The following DMD variants were observed in gnomAD, a reference collection of about 807,000 sequenced individuals.
DMD encodes dystrophin.
Under a neutral mutation model 330.1 loss-of-function variants are expected in DMD, and 63 were observed. The ratio of observed to expected loss-of-function variants is 0.19; its 90% CI spans 0.16 to 0.24. The LOEUF (loss-of-function observed/expected upper bound fraction) is 0.24. DMD is among the 10% of genes least tolerant of loss of function. The pLI is 1.00. For missense variants in DMD, 3,344 were observed against 2,684.1 expected (o/e 1.25, Z -5.43); for synonymous variants, 1,223 against 959.8 (o/e 1.27, Z -5.07).
intron 2 of DMD, among the ~76,000 whole-genome samples, chrX:32,889,552 G>T (rs1416992350): frequency 9.0e-6 from 1 of 110,697 alleles, no homozygotes; most frequent in African/African-American, 3.3e-5. Context: ...ATCCACAAAA[G>T]AGTGAAAATA....
intron 7 of DMD, among the ~76,000 whole-genome samples, chrX:32,727,358 A>T (rs1271489286): frequency 1.8e-5 from 2 of 111,286 alleles, no homozygotes; most frequent in Non-Finnish European, 3.8e-5. Context: ...TGAGACTTGT[A>T]TAAAAATGGT....
chrX:31,365,833 CAG>C (rs1179782057), intron 60 of DMD, among the ~76,000 whole-genome samples: 1 of 112,605 alleles, frequency 8.9e-6, no homozygotes, highest in African/African-American at 3.2e-5. Context: ...ATGTTGGAGA[CAG>C]AGTGACACAC....
chrX:31,661,606 T>C (rs2081128980), intron 53 of DMD, among the ~76,000 whole-genome samples: 1 of 111,804 alleles, frequency 8.9e-6, no homozygotes. Flanking sequence ...CTGAATTCCA[T>C]TGACAATGGT....
intron 19 of DMD, among the ~76,000 whole-genome samples, chrX:32,494,052 A>C (rs139378213): frequency 8.9e-6 from 1 of 111,955 alleles, no homozygotes; most frequent in Non-Finnish European, 1.9e-5. Context: ...AAATGAAAAA[A>C]TGAAACTATA....
chrX:32,568,054 CAGAAG>C (rs2051946856), intron 15 of DMD, among the ~76,000 whole-genome samples: 1 of 111,946 alleles, frequency 8.9e-6, no homozygotes, highest in Non-Finnish European at 1.9e-5. Context: ...GGAAACATGT[CAGAAG>C]AGGAGTGTGA....
At chrX:31,522,363 C>CTCTCTCTCTCTCTCTCTCTCTCTA in intron 55 of DMD, among the ~76,000 whole-genome samples, 2 of 35,964 alleles carry the variant, frequency 5.6e-5, no homozygotes, top group African/African-American at 3.8e-4. Flanking sequence ...CTCTCTCTCT[C>CTCTCTCTCTCTCTCTCTCTCTCTA]TATATATATA....
intron 11 of DMD, among the ~76,000 whole-genome samples, chrX:32,618,113 C>A (rs1383807026): frequency 9.0e-6 from 1 of 111,722 alleles, no homozygotes; most frequent in Non-Finnish European, 1.9e-5. Flanking sequence ...GTGGTGATTC[C>A]ACAAAGACCT....
chrX:31,264,081 A>T (rs1464583304), intron 62 of DMD, among the ~76,000 whole-genome samples: 1 of 112,187 alleles, frequency 8.9e-6, no homozygotes, highest in Non-Finnish European at 1.9e-5. Context: ...TGCATAACTC[A>T]TATCTATCTT....
intron 7 of DMD, among the ~76,000 whole-genome samples, chrX:32,706,547 G>C (rs1444635228): frequency 9.1e-6 from 1 of 109,846 alleles, no homozygotes; most frequent in African/African-American, 3.3e-5. Context: ...CTGGGTGAGA[G>C]AGTGAGACTC....
At chrX:31,278,101 G>T (rs754330341) in intron 62 of DMD, among the ~76,000 whole-genome samples, 1 of 111,025 alleles carries the variant, frequency 9.0e-6, no homozygotes, top group East Asian at 2.8e-4. Flanking sequence ...ATACAAGCAT[G>T]AATAGACAGA....
intron 4 of DMD, among the ~76,000 whole-genome samples, chrX:32,834,605 C>T (rs2079446313): frequency 9.0e-6 from 1 of 111,322 alleles, no homozygotes; most frequent in Non-Finnish European, 1.9e-5. Context: ...AATTTCCACC[C>T]TAGGCTTTTT....
chrX:31,971,896 G>T (rs1035008004), intron 44 of DMD, among the ~76,000 whole-genome samples: 11 of 111,480 alleles, frequency 9.9e-5, no homozygotes, highest in African/African-American at 3.3e-4. Context: ...ATCTAGTCTT[G>T]GTTCTGGACA....
intron 44 of DMD, among the ~76,000 whole-genome samples, chrX:32,058,021 C>T (rs914962072): frequency 1.1e-4 from 12 of 111,230 alleles, no homozygotes; most frequent in African/African-American, 3.6e-4. Context: ...ACTGGATATA[C>T]ACATTGCAAA....
intron 67 of DMD, among the ~76,000 whole-genome samples, chrX:31,187,098 T>C (rs2041843058): frequency 8.9e-6 from 1 of 112,456 alleles, no homozygotes; most frequent in Non-Finnish European, 1.9e-5. Flanking sequence ...CTCTGTGTCT[T>C]ACTTTTTCTC....
intron 2 of DMD, among the ~76,000 whole-genome samples, chrX:32,932,918 C>T (rs1244876821): frequency 8.9e-6 from 1 of 111,747 alleles, no homozygotes; most frequent in Non-Finnish European, 1.9e-5. Flanking sequence ...AGTTGACTCC[C>T]AGATAGAGAA....
chrX:32,733,407 G>A (rs1387807155), intron 7 of DMD, among the ~76,000 whole-genome samples: 1 of 109,826 alleles, frequency 9.1e-6, no homozygotes, highest in Non-Finnish European at 1.9e-5. Flanking sequence ...TCTGCACCAA[G>A]TGGACCTAAT....
intron 62 of DMD, among the ~76,000 whole-genome samples, chrX:31,298,559 T>TA (rs1303218769): frequency 2.6e-4 from 29 of 112,149 alleles, no homozygotes; most frequent in Admixed American, 1.4e-3. Context: ...CATTGACCTA[T>TA]ATCTACAACA....
At chrX:31,916,742 G>T (rs1361757620) in intron 47 of DMD, among the ~76,000 whole-genome samples, 1 of 111,621 alleles carries the variant, frequency 9.0e-6, no homozygotes, top group African/African-American at 3.3e-5. Flanking sequence ...TGAGAAGAAA[G>T]CCTGAGGAAT....
chrX:32,441,460 A>G, intron 27 of DMD, 146 bp from the exon 28 acceptor site: 2 of 519,025 alleles, frequency 3.9e-6, no homozygotes, highest in Non-Finnish European at 6.3e-6. Context: ...AAATGCAGCT[A>G]GACAGTTTCA....
Sources: gnomAD v4.1 joint callset for allele counts (sites outside exome capture counted in the v4.1 genomes callset) on GRCh38, gnomAD v4.1.1 for gene constraint, MANE v1.5 for transcripts, NCBI Gene and HGNC (gene_info 2026-07-23, HGNC 2026-07-21) for gene names.